Variants in SMYD3 observed in about 807,000 individuals in gnomAD.
SMYD3 encodes SET and MYND domain containing 3.
Under a neutral mutation model 57.7 loss-of-function variants are expected in SMYD3, and 36 were observed. That is an observed-to-expected ratio of 0.62 (90% CI 0.48 to 0.82). The LOEUF is 0.82. SMYD3 is among the 40% of genes least tolerant of loss of function. The pLI, the probability that SMYD3 is intolerant of heterozygous loss-of-function variation, is 0.00. For missense variants in SMYD3, 515 were observed against 538.8 expected, an observed-to-expected ratio of 0.96 and a Z score of 0.44; for synonymous variants, 211 against 195.0, an observed-to-expected ratio of 1.08 and a Z score of -0.68.
At chr1:245,945,931 G>C (rs2057414468) in intron 5 of SMYD3, among the ~76,000 whole-genome samples, 1 of 152,142 alleles carries the variant, frequency 6.6e-6, no homozygotes, top group African/African-American at 2.4e-5. Context: ...TGGACACAGG[G>C]AGGGGAACAA....
At chr1:246,212,791 A>C (rs2148398560) in intron 5 of SMYD3, among the ~76,000 whole-genome samples, 1 of 152,296 alleles carries the variant, frequency 6.6e-6, no homozygotes, top group African/African-American at 2.4e-5. Flanking sequence ...TATTTTCCAC[A>C]GAGAATAGCT....
At chr1:246,395,683 G>A (rs2066652791) in intron 1 of SMYD3, among the ~76,000 whole-genome samples, 1 of 79,874 alleles carries the variant, frequency 1.3e-5, no homozygotes, top group Non-Finnish European at 3.0e-5. Flanking sequence ...GTCAGACAGG[G>A]AAGACGAACC....
At chr1:246,377,369 C>CTTT (rs531494337) in intron 1 of SMYD3, among the ~76,000 whole-genome samples, 27 of 134,196 alleles carry the variant, frequency 2.0e-4, no homozygotes, top group Non-Finnish European at 3.1e-4. Flanking sequence ...GCAAATAATT[C>CTTT]TTTTTTTTTT....
chr1:246,444,413 C>A (rs938293327), intron 1 of SMYD3, among the ~76,000 whole-genome samples: 25 of 152,266 alleles, frequency 1.6e-4, no homozygotes, highest in Non-Finnish European at 1.3e-4. Context: ...CATGAGCCAT[C>A]GCGCCCAGCC....
At chr1:245,996,450 G>T (rs2058933513) in intron 5 of SMYD3, among the ~76,000 whole-genome samples, 2 of 152,156 alleles carry the variant, frequency 1.3e-5, no homozygotes, top group South Asian at 4.1e-4. Flanking sequence ...CATGATACAG[G>T]TGTTATTTTA....
At chr1:246,342,521 C>G (rs1476379472) in intron 2 of SMYD3, among the ~76,000 whole-genome samples, 1 of 152,122 alleles carries the variant, frequency 6.6e-6, no homozygotes, top group African/African-American at 2.4e-5. Context: ...GAAGGCTAAG[C>G]AGGTTGTCTA....
intron 10 of SMYD3, among the ~76,000 whole-genome samples, chr1:245,815,170 C>A (rs1434759547): frequency 6.6e-6 from 1 of 152,206 alleles, no homozygotes; most frequent in African/African-American, 2.4e-5. Context: ...ACACTCATGG[C>A]CCCAGCATTG....
At chr1:245,793,153 C>A (rs1367234946) in intron 10 of SMYD3, among the ~76,000 whole-genome samples, 4 of 148,600 alleles carry the variant, frequency 2.7e-5, no homozygotes, top group African/African-American at 1.0e-4. Flanking sequence ...ACTAAAAATA[C>A]AAAAAATGAG....
intron 5 of SMYD3, among the ~76,000 whole-genome samples, chr1:245,976,429 T>TAGGGAAAGCCATCGTCTCTAGCCC (rs2058427962): frequency 7.8e-5 from 1 of 12,796 alleles, no homozygotes; most frequent in African/African-American, 2.3e-4. Context: ...GTCTCTAGCC[T>TAGGGAAAGCCATCGTCTCTAGCCC]AGGGAAAGCC....
chr1:246,431,555 C>A (rs1388356486), intron 1 of SMYD3, among the ~76,000 whole-genome samples: 1 of 152,066 alleles, frequency 6.6e-6, no homozygotes, highest in African/African-American at 2.4e-5. Flanking sequence ...CATGGTGAAA[C>A]CCTATCTCTA....
intron 3 of SMYD3, among the ~76,000 whole-genome samples, chr1:246,333,825 G>A (rs2065498532): frequency 6.6e-6 from 1 of 152,136 alleles, no homozygotes; most frequent in East Asian, 1.9e-4. Context: ...GGTTGAGGCT[G>A]CAGTGCGCCA....
intron 1 of SMYD3, among the ~76,000 whole-genome samples, chr1:246,503,779 A>G (rs2068493845): frequency 6.6e-6 from 1 of 152,078 alleles, no homozygotes; most frequent in Non-Finnish European, 1.5e-5. Context: ...CCTGACTAAC[A>G]TGGTGAAACC....
chr1:245,831,171 A>G (rs1225658421), intron 10 of SMYD3, among the ~76,000 whole-genome samples: 1 of 152,182 alleles, frequency 6.6e-6, no homozygotes, highest in East Asian at 1.9e-4. Context: ...ATTCTTTTCC[A>G]TGATGACAGT....
At chr1:245,858,021 G>A (rs2051341014) in intron 10 of SMYD3, among the ~76,000 whole-genome samples, 1 of 152,160 alleles carries the variant, frequency 6.6e-6, no homozygotes, top group Non-Finnish European at 1.5e-5. Context: ...GAAGGCAAAT[G>A]ATTCAACTGA....
chr1:246,020,548 G>C (rs1314531561), intron 5 of SMYD3, among the ~76,000 whole-genome samples: 1 of 152,154 alleles, frequency 6.6e-6, no homozygotes, highest in African/African-American at 2.4e-5. Flanking sequence ...CAAGAAAGGA[G>C]GCTGTTAGAA....
intron 5 of SMYD3, among the ~76,000 whole-genome samples, chr1:245,965,888 G>A (rs143706238): frequency 9.9e-5 from 15 of 152,232 alleles, no homozygotes; most frequent in Admixed American, 3.9e-4. Flanking sequence ...GGGAGTCTGG[G>A]AGATAATGTG....
intron 8 of SMYD3, among the ~76,000 whole-genome samples, chr1:245,914,887 A>T (rs1429868315): frequency 6.6e-6 from 1 of 152,180 alleles, no homozygotes; most frequent in East Asian, 1.9e-4. Context: ...TGTCAACTAA[A>T]AACAAAAGGA....
intron 5 of SMYD3, among the ~76,000 whole-genome samples, chr1:246,075,608 A>G (rs1481418758): frequency 6.6e-6 from 1 of 152,240 alleles, no homozygotes; most frequent in East Asian, 1.9e-4. Context: ...GAGGTGCTAA[A>G]GGAAGTCCTT....
Position 245,842,694 on chromosome 1 carries a change from G to A in SMYD3, c.1076+15802C>T, listed in dbSNP as rs115313444. On this transcript the variant is annotated intron_variant, in intron 10 of 11. Coordinates refer to ENST00000490107, the MANE Select transcript of SMYD3 (RefSeq NM_001167740.2). ...CATCTCCACTGGTGAAAAGTTCCAC[G>A]TTTTATATTAATTTTTATTTTACTT... Among the ~76,000 whole-genome samples the A allele has an allele frequency of 8.9e-3, 1,357 of 152,142 alleles. 19 individuals carry two copies. The highest frequency in any genetic ancestry group is 0.03 in the African/African-American group (1,237 of 41,492).
Sources: gnomAD v4.1 joint callset for allele counts (sites outside exome capture counted in the v4.1 genomes callset) on GRCh38, gnomAD v4.1.1 for gene constraint, MANE v1.5 for transcripts, NCBI Gene and HGNC (gene_info 2026-07-23, HGNC 2026-07-21) for gene names.